The following ADGRV1 variants were observed in gnomAD, a reference collection of about 807,000 sequenced individuals.
The protein encoded by ADGRV1 is G-protein coupled receptor 98.
A neutral mutation model predicts 596.2 loss-of-function variants in ADGRV1; 359 were observed. That is an observed-to-expected ratio of 0.60 (90% CI 0.55 to 0.66). The LOEUF is 0.66. Among genes scored for constraint, ADGRV1 ranks in the 30% least tolerant of loss-of-function variants. ADGRV1 has a pLI of 0.00. For missense variants in ADGRV1, 7,274 were observed against 7,575.6 expected (o/e 0.96, Z 1.48); for synonymous variants, 2,681 against 2,679.2 (o/e 1.00, Z -0.02).
chr5:90,683,869 A>AG lies in ADGRV1; in HGVS notation c.5949dup (p.Lys1984GlufsTer6). Reference sequence around the variant, plus strand: ...CCATATGGGATATTCATTTTTTCTGAGAAAAACAGACCTGTTAAAGTTGAG... The same window carrying AG: ...CCATATGGGATATTCATTTTTTCTGAGGAAAAACAGACCTGTTAAAGTTGAG... On this transcript the variant is annotated frameshift_variant, in exon 28 of 90. Transcript: ENST00000405460. LOFTEE classifies it high-confidence loss of function. 1 of 1,613,530 alleles carries AG rather than the reference A, an allele frequency of 6.2e-7. No homozygotes were observed. Among genetic ancestry groups the AG allele is most frequent in the South Asian group, 1.1e-5 (1 of 91,020 alleles).
At chr5:91,047,946 A>G (rs1785974127) in intron 85 of ADGRV1, among the ~76,000 whole-genome samples, 1 of 152,216 alleles carries the variant, frequency 6.6e-6, no homozygotes, top group South Asian at 2.1e-4. Flanking sequence ...ATCTAGTCCC[A>G]TGGGATTGTC....
intron 42 of ADGRV1, among the ~76,000 whole-genome samples, chr5:90,716,018 T>C (rs1347831699): frequency 1.3e-5 from 2 of 152,224 alleles, no homozygotes; most frequent in African/African-American, 2.4e-5. Flanking sequence ...TATTTTCTCT[T>C]ACATTTTCTT....
intron 33 of ADGRV1, among the ~76,000 whole-genome samples, chr5:90,695,824 T>C (rs1182981531): frequency 6.6e-6 from 1 of 152,106 alleles, no homozygotes; most frequent in Non-Finnish European, 1.5e-5. Flanking sequence ...AGGTTAGTAA[T>C]TGGTAACTTT....
At chr5:90,651,566 ACTT>A in intron 17 of ADGRV1, 35 bp from the exon 18 acceptor site, 1 of 1,388,066 alleles carries the variant, frequency 7.2e-7, no homozygotes, top group Non-Finnish European at 9.8e-7. Flanking sequence ...CAAGTTAGCT[ACTT>A]CTTTGTTATT....
In ADGRV1 at chr5:91,150,115, G is replaced by T; in HGVS notation, c.18518G>T (p.Gly6173Val). The change falls in exon 88 of 90, where the codon GGG becomes GTG. Residue 6173 changes from glycine to valine, a missense_variant. Gly to Val is a moderately radical substitution (Grantham distance 109). This residue lies in a region of ADGRV1 where 1,874 missense variants were observed against 1,970.2 expected (regional missense o/e 0.95). Coordinates refer to ENST00000405460, the MANE Select transcript of ADGRV1 (RefSeq NM_032119.4). The part of the protein sequence containing the change: ...MKASYTVEMN[G>V]HPGPSTAFFT... ...GCCAGTTACACTGTGGAAATGAATG[G>T]GCATCCTGGACCCAGCACAGCCTTT... 3.2e-6 allele frequency: 5 copies of T among 1,582,016 alleles called. No homozygotes were observed. Among genetic ancestry groups the T allele is most frequent in the Non-Finnish European group, 4.3e-6 (5 of 1,163,986 alleles).
At chr5:90,674,514 T>G (rs1772951936) in intron 23 of ADGRV1, 1 of 234,872 alleles carries the variant, frequency 4.3e-6, no homozygotes, top group African/African-American at 2.2e-5. Context: ...TCAAATTTCT[T>G]TAATTTAATA....
At chr5:90,807,570 AC>A in intron 72 of ADGRV1, 31 bp from the exon 73 acceptor site, 2 of 1,589,896 alleles carry the variant, frequency 1.3e-6, no homozygotes, top group Non-Finnish European at 1.7e-6. Flanking sequence ...AAGAAATAAT[AC>A]CCTACTTTGC....
intron 83 of ADGRV1, among the ~76,000 whole-genome samples, chr5:90,894,004 C>A (rs1278926076): frequency 6.6e-6 from 1 of 152,172 alleles, no homozygotes; most frequent in Non-Finnish European, 1.5e-5. Flanking sequence ...TTCAGAAGGT[C>A]ATCTAAAGCT....
intron 1 of ADGRV1, among the ~76,000 whole-genome samples, chr5:90,572,775 G>A (rs1042064196): frequency 2.0e-5 from 3 of 152,158 alleles, no homozygotes; most frequent in African/African-American, 7.2e-5. Context: ...ACTAGCCTTG[G>A]AAAAGGGAAG....
chr5:90,577,202 TC>T (rs1207388113), intron 1 of ADGRV1, among the ~76,000 whole-genome samples: 2 of 152,262 alleles, frequency 1.3e-5, no homozygotes, highest in Non-Finnish European at 2.9e-5. Flanking sequence ...CATGCCTATG[TC>T]CTGAATGGTA....
intron 83 of ADGRV1, among the ~76,000 whole-genome samples, chr5:90,875,018 A>C (rs1769096304): frequency 6.6e-6 from 1 of 152,154 alleles, no homozygotes; most frequent in Admixed American, 6.6e-5. Flanking sequence ...AATTCCTTAA[A>C]GCAAAACAAA....
chr5:91,081,413 A>G (rs1203193611), intron 86 of ADGRV1, among the ~76,000 whole-genome samples: 1 of 152,144 alleles, frequency 6.6e-6, no homozygotes, highest in Non-Finnish European at 1.5e-5. Flanking sequence ...CCCATTCCAC[A>G]CTGAAGCATT....
chr5:90,815,787 A>G, intron 75 of ADGRV1, 51 bp downstream of exon 75: 3 of 1,048,868 alleles, frequency 2.9e-6, no homozygotes, highest in Non-Finnish European at 4.3e-6. Context: ...GTGTCTGTAC[A>G]AATGTAATTT....
intron 50 of ADGRV1, among the ~76,000 whole-genome samples, chr5:90,742,273 C>T (rs1374967987): frequency 6.6e-6 from 1 of 152,120 alleles, no homozygotes; most frequent in Non-Finnish European, 1.5e-5. Flanking sequence ...AGAGGACTTG[C>T]CCTGGTCTAA....
intron 9 of ADGRV1, among the ~76,000 whole-genome samples, chr5:90,634,671 T>A (rs945975552): frequency 1.3e-5 from 2 of 152,194 alleles, no homozygotes; most frequent in South Asian, 4.1e-4. Context: ...TAGTTGGATG[T>A]AGGTGGCAAG....
At chr5:90,594,482 GTTCTT>G (rs1272425868) in intron 1 of ADGRV1, among the ~76,000 whole-genome samples, 2 of 124,644 alleles carry the variant, frequency 1.6e-5, no homozygotes, top group East Asian at 4.6e-4. Context: ...GTCTCTGGCA[GTTCTT>G]TTTTTTTTTT....
intron 9 of ADGRV1, among the ~76,000 whole-genome samples, chr5:90,633,524 C>A (rs1312979500): frequency 6.6e-6 from 1 of 151,874 alleles, no homozygotes; most frequent in African/African-American, 2.4e-5. Flanking sequence ...TTAGAAATAT[C>A]TTTGCCTTAT....
chr5:90,565,423 A>T (rs1755517694), intron 1 of ADGRV1, among the ~76,000 whole-genome samples: 1 of 152,202 alleles, frequency 6.6e-6, no homozygotes, highest in South Asian at 2.1e-4. Flanking sequence ...TTTTGTATAA[A>T]TGGAATCATA....
At chr5:90,754,779 A>G (rs780375591) in intron 54 of ADGRV1, among the ~76,000 whole-genome samples, 2 of 152,142 alleles carry the variant, frequency 1.3e-5, no homozygotes, top group African/African-American at 2.4e-5. Flanking sequence ...TAATGCTAGG[A>G]GTGGATGGTG....
Sources: gnomAD v4.1 joint callset for allele counts (sites outside exome capture counted in the v4.1 genomes callset) on GRCh38, gnomAD v4.1.1 for gene constraint, gnomAD v4.1.1 regional missense constraint, MANE v1.5 for transcripts, NCBI Gene and HGNC (gene_info 2026-07-23, HGNC 2026-07-21) for gene names.